TMEM117: variants seen among roughly 807,000 people sequenced by gnomAD.
The protein encoded by TMEM117 is transmembrane protein 117.
Under a neutral mutation model 52.4 loss-of-function variants are expected in TMEM117, and 27 were observed. The observed-to-expected ratio is 0.51, with a 90% CI of 0.38 to 0.71. The LOEUF (loss-of-function observed/expected upper bound fraction) is 0.71, where lower values mean the gene tolerates loss of function less well. TMEM117 is among the 30% of genes least tolerant of loss of function. The pLI, the probability that TMEM117 is intolerant of heterozygous loss-of-function variation, is 0.00. For synonymous variants in TMEM117, 215 were observed against 206.3 expected (o/e 1.04, Z -0.36); for missense variants, 556 against 630.5 (o/e 0.88, Z 1.26).
At chr12:43,826,281 T>C in the TMEM117 span, among the ~76,000 whole-genome samples, 1 of 152,192 alleles carries the variant, frequency 6.6e-6, no homozygotes, top group Non-Finnish European at 1.5e-5. Flanking sequence ...TTATTGAGGT[T>C]TACTCTGTGC....
chr12:44,201,652 C>T (rs1435336552), intron 4 of TMEM117, among the ~76,000 whole-genome samples: 1 of 152,088 alleles, frequency 6.6e-6, no homozygotes, highest in Non-Finnish European at 1.5e-5. Context: ...TTAGCATCAA[C>T]AATGTTAAGG....
chr12:43,934,906 C>T (rs1764339219), intron 2 of TMEM117, among the ~76,000 whole-genome samples: 1 of 152,186 alleles, frequency 6.6e-6, no homozygotes, highest in Non-Finnish European at 1.5e-5. Flanking sequence ...TCCTAACCGC[C>T]ATAATGATAC....
At chr12:44,025,697 A>G (rs888280980) in intron 3 of TMEM117, among the ~76,000 whole-genome samples, 1 of 152,184 alleles carries the variant, frequency 6.6e-6, no homozygotes, top group African/African-American at 2.4e-5. Flanking sequence ...TATTCTACTA[A>G]ATGAGTATTA....
intron 3 of TMEM117, among the ~76,000 whole-genome samples, chr12:43,982,273 A>G (rs1945772979): frequency 6.6e-6 from 1 of 152,230 alleles, no homozygotes; most frequent in Non-Finnish European, 1.5e-5. Context: ...CCCGAGGAAT[A>G]CAAAATGATC....
At chr12:43,874,818 G>A (rs898060255) in intron 2 of TMEM117, among the ~76,000 whole-genome samples, 3 of 152,168 alleles carry the variant, frequency 2.0e-5, no homozygotes, top group African/African-American at 7.2e-5. Flanking sequence ...AGTATCTAAT[G>A]TACTGAGTTC....
chr12:43,800,365 C>T, the TMEM117 span: 1 of 1,071,970 alleles, frequency 9.3e-7, no homozygotes. Context: ...GTATCAATTA[C>T]CCATTACCTA....
intron 6 of TMEM117, among the ~76,000 whole-genome samples, chr12:44,366,688 G>A (rs1349505562): frequency 6.6e-6 from 1 of 152,060 alleles, no homozygotes; most frequent in African/African-American, 2.4e-5. Flanking sequence ...ATCATTGGGT[G>A]GTCCAAAGGG....
At chr12:43,987,479 A>G (rs1013389039) in intron 3 of TMEM117, among the ~76,000 whole-genome samples, 1 of 150,104 alleles carries the variant, frequency 6.7e-6, no homozygotes, top group Non-Finnish European at 1.5e-5. Context: ...TCTTGTCCCT[A>G]TGATACTCAC....
chr12:43,945,079 C>G (rs967561374), intron 3 of TMEM117, among the ~76,000 whole-genome samples: 9 of 141,528 alleles, frequency 6.4e-5, no homozygotes, highest in Non-Finnish European at 1.4e-4. Flanking sequence ...CCACTGCACT[C>G]TAGCCTGGCA....
the TMEM117 span, chr12:43,805,958 G>A: frequency 6.5e-7 from 1 of 1,540,008 alleles, no homozygotes; most frequent in Non-Finnish European, 8.7e-7. Flanking sequence ...CAACCAGGCC[G>A]CCTCGAAAGC....
chr12:43,929,678 A>G (rs1233978859), intron 2 of TMEM117, among the ~76,000 whole-genome samples: 1 of 152,180 alleles, frequency 6.6e-6, no homozygotes, highest in Non-Finnish European at 1.5e-5. Flanking sequence ...CCTTCCATAC[A>G]TTCACACAAT....
intron 5 of TMEM117, among the ~76,000 whole-genome samples, chr12:44,286,016 T>C (rs1258432667): frequency 6.6e-6 from 1 of 152,228 alleles, no homozygotes; most frequent in Non-Finnish European, 1.5e-5. Flanking sequence ...CACTATATCA[T>C]AATTTAATTG....
intron 3 of TMEM117, among the ~76,000 whole-genome samples, chr12:43,961,545 A>C (rs1265064679): frequency 6.6e-6 from 1 of 152,220 alleles, no homozygotes; most frequent in East Asian, 1.9e-4. Context: ...TATGAATGTA[A>C]AGCAGTTCCT....
intron 2 of TMEM117, among the ~76,000 whole-genome samples, chr12:43,869,159 C>T (rs936288322): frequency 2.0e-5 from 3 of 152,140 alleles, no homozygotes; most frequent in African/African-American, 7.2e-5. Context: ...AAATAATCCA[C>T]ATAGCTATAT....
At chr12:43,818,641 A>G in the TMEM117 span, among the ~76,000 whole-genome samples, 6 of 152,086 alleles carry the variant, frequency 3.9e-5, no homozygotes, top group Non-Finnish European at 8.8e-5. Flanking sequence ...GGGTTTCACC[A>G]TGTTGGTTGG....
chr12:43,805,412 T>A, the TMEM117 span: 2 of 380,678 alleles, frequency 5.3e-6, no homozygotes, highest in Non-Finnish European at 1.1e-5. Context: ...TAAGTGTTCA[T>A]CTGGGAGAAA....
chr12:44,096,652 A>G (rs1474579612), intron 3 of TMEM117, among the ~76,000 whole-genome samples: 16 of 151,886 alleles, frequency 1.1e-4, no homozygotes, highest in Admixed American at 2.6e-4. Context: ...GGGAAAACTG[A>G]CTAGCCATAT....
intron 6 of TMEM117, among the ~76,000 whole-genome samples, chr12:44,318,823 CA>C (rs1242017764): frequency 6.6e-6 from 1 of 152,108 alleles, no homozygotes; most frequent in Non-Finnish European, 1.5e-5. Flanking sequence ...TGGGATGACT[CA>C]GGATGCAAAT....
chr12:44,157,337 A>G (rs1178066453), intron 4 of TMEM117, among the ~76,000 whole-genome samples: 2 of 151,576 alleles, frequency 1.3e-5, no homozygotes, highest in Non-Finnish European at 2.9e-5. Flanking sequence ...CTGTGAGATA[A>G]AAGATAAAGC....
Sources: gnomAD v4.1 joint callset for allele counts (sites outside exome capture counted in the v4.1 genomes callset) on GRCh38, gnomAD v4.1.1 for gene constraint, MANE v1.5 for transcripts, NCBI Gene and HGNC (gene_info 2026-07-23, HGNC 2026-07-21) for gene names.